SLC35F1: variants seen among roughly 807,000 people sequenced by gnomAD.
SLC35F1 encodes solute carrier family 35 member F1.
SLC35F1 carries 14 observed loss-of-function variants against 48.7 expected under a neutral mutation model. That is an observed-to-expected ratio of 0.29 (90% confidence interval 0.19 to 0.45). The LOEUF (loss-of-function observed/expected upper bound fraction) is 0.45. SLC35F1 is among the 20% of genes least tolerant of loss of function. The pLI, the probability that SLC35F1 is intolerant of heterozygous loss-of-function variation, is 1.00. For synonymous variants in SLC35F1, 190 were observed against 202.2 expected, an observed-to-expected ratio of 0.94 and a Z score of 0.51; for missense variants, 404 against 500.0, an observed-to-expected ratio of 0.81 and a Z score of 1.83.
At chr6:118,273,879 C>G (rs1438616163) in intron 4 of SLC35F1, among the ~76,000 whole-genome samples, 1 of 152,198 alleles carries the variant, frequency 6.6e-6, no homozygotes, top group Non-Finnish European at 1.5e-5. Flanking sequence ...CCTTCAGGAT[C>G]TCTTCCCCTC....
Position 117,999,507 on chromosome 6 carries a change from G to T in SLC35F1, c.173+91608G>T, listed in dbSNP as rs1582609656. On this transcript the variant is annotated intron_variant, in intron 1 of 7. Coordinates refer to ENST00000360388, the MANE Select transcript of SLC35F1 (RefSeq NM_001029858.4). Reference sequence around the variant, plus strand: ...TGCGACCCCCCACCCCCACCCCTGGGCTATCATCTGCATGGGGCTGGGGTC... The same window carrying T: ...TGCGACCCCCCACCCCCACCCCTGGTCTATCATCTGCATGGGGCTGGGGTC... The T allele has an allele frequency of 5.1e-6, 6 of 1,180,760 alleles. No individual in the cohort carries two copies. The East Asian group carries it at 1.4e-4, about 28-fold the overall frequency. 73.1% of individuals were successfully genotyped at this position (1,180,760 alleles called of 1,614,324 possible). A position where few individuals can be genotyped will look rare whatever the true frequency, so the allele number is the denominator to read the frequency against.
At chr6:118,266,906 T>C (rs1775780385) in intron 3 of SLC35F1, 89 bp from the exon 4 acceptor site, 20 of 1,448,500 alleles carry the variant, frequency 1.4e-5, no homozygotes, top group Non-Finnish European at 4.8e-6. Flanking sequence ...GGCAGAACCC[T>C]TTCTGCAGAA....
chr6:117,926,308 G>A (rs1776026890), intron 1 of SLC35F1, among the ~76,000 whole-genome samples: 2 of 152,106 alleles, frequency 1.3e-5, no homozygotes, highest in Non-Finnish European at 2.9e-5. Context: ...CTGTGAAGAG[G>A]TGCTTTCTAC....
intron 2 of SLC35F1, among the ~76,000 whole-genome samples, chr6:118,166,158 G>A (rs932248050): frequency 6.6e-6 from 1 of 151,754 alleles, no homozygotes; most frequent in Non-Finnish European, 1.5e-5. Flanking sequence ...TAAAAATAAT[G>A]CAAGATTAAA....
At chr6:118,037,409 GTTC>G (rs922143516) in intron 1 of SLC35F1, among the ~76,000 whole-genome samples, 5 of 151,790 alleles carry the variant, frequency 3.3e-5, no homozygotes, top group African/African-American at 1.2e-4. Context: ...TCTGCTTTTT[GTTC>G]TTTTGTTCCC....
intron 1 of SLC35F1, among the ~76,000 whole-genome samples, chr6:118,105,960 C>T (rs12110885): frequency 0.017 from 2,606 of 152,242 alleles, 77 homozygotes; most frequent in African/African-American, 0.059. Flanking sequence ...CTAATCAGCT[C>T]ATTGTCCCAG....
chr6:118,266,535 T>G (rs893251305), intron 3 of SLC35F1, among the ~76,000 whole-genome samples: 2 of 152,342 alleles, frequency 1.3e-5, no homozygotes, highest in Non-Finnish European at 2.9e-5. Context: ...AACTTTTGTC[T>G]AATTTCTAAT....
At chr6:117,997,919 C>A (rs1337333899) in intron 1 of SLC35F1, among the ~76,000 whole-genome samples, 2 of 151,584 alleles carry the variant, frequency 1.3e-5, no homozygotes, top group Non-Finnish European at 2.9e-5. Context: ...AATTCACACA[C>A]AACAATATTA....
intron 2 of SLC35F1, among the ~76,000 whole-genome samples, chr6:118,226,979 C>A (rs9489323): frequency 0.93 from 141,678 of 151,906 alleles, 66,129 homozygotes; most frequent in East Asian, 0.98. Context: ...ATGTATCAAT[C>A]AATAAATAAA....
intron 1 of SLC35F1, among the ~76,000 whole-genome samples, chr6:117,945,022 T>C (rs1453482881): frequency 1.3e-5 from 2 of 152,108 alleles, no homozygotes; most frequent in Admixed American, 6.6e-5. Context: ...GTGAACAAAG[T>C]AGACAAAAAT....
intron 1 of SLC35F1, among the ~76,000 whole-genome samples, chr6:117,923,503 A>T: frequency 4.5e-4 from 1 of 2,206 alleles, no homozygotes; most frequent in African/African-American, 6.4e-4. Flanking sequence ...TAAAATATAT[A>T]TATACACATA....
At position 117,962,496 on chromosome 6, in the gene SLC35F1, G is replaced by T. The variant is rs553069613; in HGVS notation, c.173+54597G>T. ...CCACCACACACACAAACACACAAAA[G>T]ATTTTGATTCCGTCTTCTTTGATGT... is the stretch of plus-strand genomic sequence containing the variant. On this transcript the variant is annotated intron_variant, in intron 1 of 7. Transcript: ENST00000360388. 3.3e-5 allele frequency among the ~76,000 whole-genome samples: 5 copies of T among 152,220 alleles called. No homozygotes were observed. In the South Asian group the frequency reaches 1.0e-3, roughly 32 times the overall value.
Position 118,314,169 on chromosome 6 carries a change from A to C in SLC35F1, c.1144A>C (p.Thr382Pro). 1 of 1,614,058 alleles carries C rather than the reference A, an allele frequency of 6.2e-7. No homozygotes were observed. The highest frequency in any genetic ancestry group is 8.5e-7 in the Non-Finnish European group (1 of 1,179,976). ...NPSGPVVDLPTTAQVEPSVTY... is the reference protein window; with the variant it reads ...NPSGPVVDLPPTAQVEPSVTY... ...TTCAGGACCTGTTGTGGACTTACCG[A>C]CCACAGCTCAGGTGGAACCCTCAGT... The change falls in exon 8 of 8, where the codon ACC (threonine) becomes CCC (proline). Residue 382 changes from threonine (T) to proline (P), a missense_variant. By Grantham distance (38) the Thr-to-Pro change is conservative. Coordinates refer to ENST00000360388, the MANE Select transcript of SLC35F1 (RefSeq NM_001029858.4).
chr6:118,250,086 C>G (rs892168777), intron 3 of SLC35F1, among the ~76,000 whole-genome samples: 2 of 152,204 alleles, frequency 1.3e-5, no homozygotes, highest in African/African-American at 4.8e-5. Flanking sequence ...TCAACATCTA[C>G]TATCTGCCAG....
intron 6 of SLC35F1, among the ~76,000 whole-genome samples, chr6:118,282,974 A>C (rs748803231): frequency 6.6e-6 from 1 of 152,170 alleles, no homozygotes; most frequent in Non-Finnish European, 1.5e-5. Flanking sequence ...TCACCTTTTG[A>C]AAATGTAGAT....
rs140512898 is a variant in SLC35F1 at position 118,152,716 on chromosome 6, T to C, written c.174-1729T>C. ...ATGACATCCCCTCCCCCACATTCTG[T>C]TGGTCAGAGCAAGTCACAAGACCAG... On this transcript the variant is annotated intron_variant, in intron 1 of 7. Transcript: ENST00000360388. Among the ~76,000 whole-genome samples, 891 of 152,294 alleles carry C rather than the reference T, an allele frequency of 5.9e-3. 4 individuals are homozygous for C. The highest frequency in any genetic ancestry group is 0.014 in the Middle Eastern group (4 of 294).
At chr6:118,201,698 C>A (rs1173407939) in intron 2 of SLC35F1, among the ~76,000 whole-genome samples, 1 of 152,162 alleles carries the variant, frequency 6.6e-6, no homozygotes, top group Non-Finnish European at 1.5e-5. Flanking sequence ...AGTTGTACAA[C>A]TATCACGATA....
At chr6:118,241,132 T>C (rs1271412525) in intron 3 of SLC35F1, among the ~76,000 whole-genome samples, 2 of 152,160 alleles carry the variant, frequency 1.3e-5, no homozygotes, top group Non-Finnish European at 2.9e-5. Context: ...AATGCCAGAA[T>C]GACTTAATGT....
At chr6:118,266,963 C>T in intron 3 of SLC35F1, 32 bp from the exon 4 acceptor site, 1 of 1,609,908 alleles carries the variant, frequency 6.2e-7, no homozygotes, top group East Asian at 2.2e-5. Flanking sequence ...CCTGAATCTC[C>T]TGTTGTTGTT....
Sources: gnomAD v4.1 joint callset for allele counts (sites outside exome capture counted in the v4.1 genomes callset) on GRCh38, gnomAD v4.1.1 for gene constraint, MANE v1.5 for transcripts, NCBI Gene and HGNC (gene_info 2026-07-23, HGNC 2026-07-21) for gene names.